SFRP2: variants seen among roughly 807,000 people sequenced by gnomAD.
The protein encoded by SFRP2 is secreted frizzled related protein 2, also known as secreted frizzled-related protein 2.
Under a neutral mutation model 26.0 loss-of-function variants are expected in SFRP2, and 16 were observed. That is an observed-to-expected ratio of 0.61 (90% CI 0.42 to 0.93). The LOEUF (loss-of-function observed/expected upper bound fraction) is 0.93, where lower values mean the gene tolerates loss of function less well. SFRP2 is among the 40% of genes least tolerant of loss of function. SFRP2 has a pLI of 0.00. For synonymous variants in SFRP2, 173 were observed against 167.3 expected, an observed-to-expected ratio of 1.03 and a Z score of -0.26; for missense variants, 343 against 392.4, an observed-to-expected ratio of 0.87 and a Z score of 1.06.
At chr4:153,782,746 A>G (rs1177699116) in intron 2 of SFRP2, among the ~76,000 whole-genome samples, 1 of 152,204 alleles carries the variant, frequency 6.6e-6, no homozygotes, top group Non-Finnish European at 1.5e-5. Flanking sequence ...CCAGTTGCCA[A>G]ACCTCCTCCT....
chr4:153,785,894 T>C lies in SFRP2; in HGVS notation c.553A>G (p.Ile185Val), dbSNP rs1560811008. 6.2e-7 allele frequency: 1 copy of C among 1,604,030 alleles called. No individual in the cohort carries two copies. Among genetic ancestry groups the C allele is most frequent in the African/African-American group, 1.3e-5 (1 of 74,602 alleles). ...TCATTTTTACAAAGCGTTTCCATTA[T>C]GTCGTTGTCATCATCATTTTTATTT... ...CKNKNDDDNDIMETLCKNDFA... is the reference protein window; with the variant it reads ...CKNKNDDDNDVMETLCKNDFA... Residue 185 changes from isoleucine (I) to valine (V), a missense_variant, in exon 2 of 3, where the codon ATA becomes GTA. Around this residue, in one of 2 missense-constraint regions of SFRP2, gnomAD observed 251 missense variants for 253.3 expected, o/e 0.99. Coordinates refer to ENST00000274063, the MANE Select transcript of SFRP2 (RefSeq NM_003013.3).
chr4:153,781,303 T>G lies in SFRP2; in HGVS notation c.*148A>C. The G allele has an allele frequency of 1.5e-6, 1 of 664,438 alleles. No individual in the cohort carries two copies. The highest frequency in any genetic ancestry group is 1.8e-5 in the African/African-American group (1 of 55,352). 41.2% of individuals were successfully genotyped at this position (664,438 alleles called of 1,614,324 possible). ...CTTATAACTCAGGAAATGCTGGGGA[T>G]GCAAACGTGCAAAAGGCAGGGGGAA... is the stretch of plus-strand genomic sequence containing the variant. On this transcript the variant is annotated 3_prime_UTR_variant, in exon 3 of 3. Transcript: ENST00000274063.
In SFRP2 at chr4:153,788,742, C is replaced by A; in HGVS notation, c.94G>T (p.Asp32Tyr). 3 of 1,613,174 alleles carry A rather than the reference C, an allele frequency of 1.9e-6. No individual in the cohort carries two copies. Among genetic ancestry groups the A allele is most frequent in the Non-Finnish European group, 2.5e-6 (3 of 1,180,024 alleles). The change falls in exon 1 of 3, where the codon GAC becomes TAC. Residue 32 changes from aspartate to tyrosine, a missense_variant. This residue lies in a region of SFRP2 where 251 missense variants were observed against 253.3 expected (regional missense o/e 0.99). Transcript: ENST00000274063. ...ARGLFLFGQP[D>Y]FSYKRSNCKP... ...CAATTGCTGCGCTTGTAGGAGAAGT[C>A]GGGCTGGCCAAAGAGGAAGAGCCCG...
chr4:153,781,847 G>T, intron 2 of SFRP2, 92 bp from the exon 3 acceptor site: 1 of 1,161,648 alleles, frequency 8.6e-7, no homozygotes, highest in Non-Finnish European at 1.3e-6. Context: ...ACTTGGCCTG[G>T]ATGAGGAAAG....
rs574908569 is a variant in SFRP2 at position 153,781,320 on chromosome 4, C to A, written c.*131G>T. The stretch of plus-strand genomic sequence containing the variant: ...GCTGGGGATGCAAACGTGCAAAAGG[C>A]AGGGGGAAGCTGCCCAGGCTGAGAC... On this transcript the variant is annotated 3_prime_UTR_variant, in exon 3 of 3. Coordinates refer to ENST00000274063, the MANE Select transcript of SFRP2 (RefSeq NM_003013.3). 7.2e-5 allele frequency: 56 copies of A among 775,506 alleles called. 1 individual carries two copies. The South Asian group carries it at 9.5e-4, about 13-fold the overall frequency. The allele number at this position is 775,506 out of a possible 1,614,324, so 48.0% of individuals were successfully genotyped here. A position where few individuals can be genotyped will look rare whatever the true frequency, so the allele number is the denominator to read the frequency against.
chr4:153,782,982 C>CTTT (rs199676638), intron 2 of SFRP2, among the ~76,000 whole-genome samples: 2 of 139,652 alleles, frequency 1.4e-5, no homozygotes, highest in Admixed American at 7.1e-5. Flanking sequence ...TTGAGATTTT[C>CTTT]TTTTTTTTTT....
chr4:153,788,392 G>C lies in SFRP2; in HGVS notation c.444C>G (p.Asp148Glu), dbSNP rs763657211. The C allele has an allele frequency of 3.1e-6, 5 of 1,613,860 alleles. No homozygotes were observed. The South Asian group carries it at 5.5e-5, about 18-fold the overall frequency. Residue 148 changes from aspartate (D) to glutamate (E), a missense_variant, in exon 1 of 3, where the codon GAC becomes GAG. By Grantham distance (45) the Asp-to-Glu change is conservative. Coordinates refer to ENST00000274063, the MANE Select transcript of SFRP2 (RefSeq NM_003013.3). ...DMLECDRFPQ[D>E]NDLCIPLASS... ...TAGCGAGGGGGATGCAAAGGTCGTT[G>C]TCCTGGGGGAAACGGTCGCACTCAA...
In SFRP2 at chr4:153,789,045, G is replaced by T. The variant is rs554432240; in HGVS notation, c.-210C>A. The T allele has an allele frequency of 5.6e-6, 3 of 532,676 alleles. No individual in the cohort carries two copies. Among genetic ancestry groups the T allele is most frequent in the Non-Finnish European group, 6.4e-6 (2 of 314,850 alleles). 33.0% of individuals were successfully genotyped at this position (532,676 alleles called of 1,614,324 possible). A position where few individuals can be genotyped will look rare whatever the true frequency, so the allele number is the denominator to read the frequency against. ...GCAAGCCCGCGCGCAGCTCCGGGGG[G>T]CTCCGACCCGGGGGAGCAGAATGAG... is the stretch of plus-strand genomic sequence containing the variant. On this transcript the variant is annotated 5_prime_UTR_variant, in exon 1 of 3. Transcript: ENST00000274063.
intron 1 of SFRP2, among the ~76,000 whole-genome samples, 184 bp downstream of exon 1, chr4:153,788,150 C>G (rs1217146288): frequency 1.3e-5 from 2 of 152,182 alleles, no homozygotes; most frequent in East Asian, 1.9e-4. Flanking sequence ...ACTTGGGCGG[C>G]GTGGGAGGGG....
Position 153,788,758 on chromosome 4 carries a change from G to C in SFRP2, c.78C>G (p.Phe26Leu), listed in dbSNP as rs4076441. Reference protein sequence around the residue: ...HCCLGSARGLFLFGQPDFSYK... With the variant: ...HCCLGSARGLLLFGQPDFSYK... ...AGGAGAAGTCGGGCTGGCCAAAGAG[G>C]AAGAGCCCGCGCGCCGAGCCCAGGC... The change falls in exon 1 of 3, where the codon TTC (phenylalanine) becomes TTG (leucine). Residue 26 changes from phenylalanine to leucine, a missense_variant. Around this residue, in one of 2 missense-constraint regions of SFRP2, gnomAD observed 251 missense variants for 253.3 expected, o/e 0.99. Coordinates refer to ENST00000274063, the MANE Select transcript of SFRP2 (RefSeq NM_003013.3). 12 of 1,612,050 alleles carry C rather than the reference G, an allele frequency of 7.4e-6. No individual in the cohort carries two copies. The highest frequency in any genetic ancestry group is 9.3e-6 in the Non-Finnish European group (11 of 1,180,000).
Position 153,785,962 on chromosome 4 carries a change from AGT to A in SFRP2, c.503-20_503-19del. 4 of 1,546,908 alleles carry A rather than the reference AGT, an allele frequency of 2.6e-6. No individual in the cohort carries two copies. The highest frequency in any genetic ancestry group is 3.5e-6 in the Non-Finnish European group (4 of 1,135,642). On this transcript the variant is annotated intron_variant, in intron 1 of 2. Transcript: ENST00000274063. ...CTTTGGAGCTAGAAATGTGAAAAACAGTCTTTAGTAAGTTTGCTTAAAAGAGA... is the reference window on the plus strand; with the variant it reads ...CTTTGGAGCTAGAAATGTGAAAAACACTTTAGTAAGTTTGCTTAAAAGAGA...
intron 1 of SFRP2, among the ~76,000 whole-genome samples, chr4:153,786,967 T>A (rs1438134661): frequency 6.6e-6 from 1 of 152,208 alleles, no homozygotes; most frequent in Non-Finnish European, 1.5e-5. Flanking sequence ...TGAAATTTAA[T>A]GTTCATAGAA....
At chr4:153,788,204 C>G in intron 1 of SFRP2, 130 bp downstream of exon 1, 1 of 1,099,636 alleles carries the variant, frequency 9.1e-7, no homozygotes, top group Non-Finnish European at 1.3e-6. Context: ...CAGACCAGGT[C>G]AGGCAGAACT....
At position 153,788,552 on chromosome 4, in the gene SFRP2, AG is replaced by A; in HGVS notation, c.283del (p.Leu95CysfsTer13). ...GCAGACGGGGGCGAAGAGCGAGCAC[AG>A]GAACTTCTTGGTGTCCGGGTGGCAC... ...KQCHPDTKKFLCSLFAPVCLD... is the reference protein window; with the variant it reads ...KQCHPDTKKFXCSLFAPVCLD... On this transcript the variant is annotated frameshift_variant, in exon 1 of 3. Coordinates refer to ENST00000274063, the MANE Select transcript of SFRP2 (RefSeq NM_003013.3). LOFTEE classifies it high-confidence loss of function. 1 of 1,614,134 alleles carries A rather than the reference AG, an allele frequency of 6.2e-7. No individual in the cohort carries two copies. Among genetic ancestry groups the A allele is most frequent in the Non-Finnish European group, 8.5e-7 (1 of 1,180,028 alleles).
At chr4:153,787,694 G>A (rs1560811699) in intron 1 of SFRP2, among the ~76,000 whole-genome samples, 1 of 152,202 alleles carries the variant, frequency 6.6e-6, no homozygotes, top group East Asian at 1.9e-4. Flanking sequence ...TTCCCTTTAT[G>A]CCCTCTTCCT....
chr4:153,785,068 C>A (rs6853522), intron 2 of SFRP2, among the ~76,000 whole-genome samples: 23,550 of 152,152 alleles, frequency 0.15, 2,417 homozygotes, highest in East Asian at 0.38. Flanking sequence ...GAGTGACTTG[C>A]AACTTATGGA....
rs1741123099 is a variant in SFRP2 at position 153,781,617 on chromosome 4, T to C, written c.722A>G (p.Asp241Gly). ...CTCCTCACAGGTGCACTGCAAGCTG[T>C]CTTTGAGCCACAGCACCGATTTCTT... is the stretch of plus-strand genomic sequence containing the variant. Reference protein sequence around the residue: ...DLKKSVLWLKDSLQCTCEEMN... With the variant: ...DLKKSVLWLKGSLQCTCEEMN... Residue 241 changes from aspartate (D) to glycine (G), a missense_variant, in exon 3 of 3, where the codon GAC (aspartate) becomes GGC (glycine). Physicochemically the swap from Asp to Gly is moderately conservative, Grantham distance 94 (BLOSUM62 -1). This residue lies in a region of SFRP2 where 92 missense variants were observed against 139.0 expected (regional missense o/e 0.66). Coordinates refer to ENST00000274063, the MANE Select transcript of SFRP2 (RefSeq NM_003013.3). 1 of 1,614,052 alleles carries C rather than the reference T, an allele frequency of 6.2e-7. No individual in the cohort carries two copies. Among genetic ancestry groups the C allele is most frequent in the Non-Finnish European group, 8.5e-7 (1 of 1,180,038 alleles).
rs1040650314 is a variant in SFRP2, at chr4:153,781,232, G to T, written c.*219C>A. ...TAGTTTGAATATTTCTACAAGATTCGGGTGGGCTTTTCCTTTAGGTGAAAA... is the reference window on the plus strand; with the variant it reads ...TAGTTTGAATATTTCTACAAGATTCTGGTGGGCTTTTCCTTTAGGTGAAAA... On this transcript the variant is annotated 3_prime_UTR_variant, in exon 3 of 3. Coordinates refer to ENST00000274063, the MANE Select transcript of SFRP2 (RefSeq NM_003013.3). 1.3e-5 allele frequency: 7 copies of T among 531,762 alleles called. No homozygotes were observed. Among genetic ancestry groups the T allele is most frequent in the African/African-American group, 3.8e-5 (2 of 53,070 alleles). 32.9% of individuals were successfully genotyped at this position (531,762 alleles called of 1,614,324 possible). A position where few individuals can be genotyped will look rare whatever the true frequency, so the allele number is the denominator to read the frequency against.
At chr4:153,786,654 G>A (rs1251934879) in intron 1 of SFRP2, among the ~76,000 whole-genome samples, 3 of 152,198 alleles carry the variant, frequency 2.0e-5, no homozygotes, top group Non-Finnish European at 4.4e-5. Context: ...TTATCTGCAA[G>A]CTCCCTGGTA....
Sources: allele counts gnomAD v4.1 joint callset (sites outside exome capture counted in the v4.1 genomes callset), GRCh38; gene constraint gnomAD v4.1.1; regional missense constraint gnomAD v4.1.1; transcripts MANE v1.5; gene names NCBI Gene and HGNC (gene_info 2026-07-23, HGNC 2026-07-21).